ZNF143: variants seen among roughly 807,000 people sequenced by gnomAD.
ZNF143 encodes SPH-binding factor.
Under a neutral mutation model 74.1 loss-of-function variants are expected in ZNF143, and 49 were observed. The ratio of observed to expected loss-of-function variants is 0.66; its 90% CI spans 0.53 to 0.84. ZNF143 has a LOEUF of 0.84. Among genes scored for constraint, ZNF143 ranks in the 40% least tolerant of loss-of-function variants. The pLI is 0.00. For synonymous variants in ZNF143, 304 were observed against 282.8 expected (o/e 1.07, Z -0.75); for missense variants, 637 against 793.4 (o/e 0.80, Z 2.37).
intron 5 of ZNF143, among the ~76,000 whole-genome samples, chr11:9,476,207 T>C (rs1856880739): frequency 1.3e-5 from 2 of 152,058 alleles, no homozygotes; most frequent in South Asian, 2.1e-4. Context: ...TTTAGTTTCA[T>C]CATCTGTAAA....
intron 1 of ZNF143, among the ~76,000 whole-genome samples, chr11:9,467,821 G>T (rs2133835794): frequency 6.9e-6 from 1 of 144,976 alleles, no homozygotes. Context: ...TCTGGCCTGG[G>T]CGACAAGAGT....
chr11:9,510,071 G>A (rs1374100942), intron 12 of ZNF143, among the ~76,000 whole-genome samples: 2 of 151,312 alleles, frequency 1.3e-5, no homozygotes, highest in Non-Finnish European at 2.9e-5. Flanking sequence ...GCTTCCTCAA[G>A]TCTCTTCCTT....
chr11:9,481,704 A>G (rs1353234010), intron 7 of ZNF143, among the ~76,000 whole-genome samples: 1 of 151,884 alleles, frequency 6.6e-6, no homozygotes, highest in African/African-American at 2.4e-5. Context: ...CCTGGCCAAC[A>G]TGGCAAAACC....
At chr11:9,506,241 A>G (rs1456127337) in intron 11 of ZNF143, among the ~76,000 whole-genome samples, 1 of 152,226 alleles carries the variant, frequency 6.6e-6, no homozygotes, top group East Asian at 1.9e-4. Flanking sequence ...CTGAGGCAGG[A>G]TAATCACTTG....
Position 9,498,938 on chromosome 11 carries a change from C to CT in ZNF143, c.967+1139dup, listed in dbSNP as rs979221981. Among the ~76,000 whole-genome samples, 92 of 152,198 alleles carry CT rather than the reference C, an allele frequency of 6.0e-4. 1 individual carries two copies. The highest frequency in any genetic ancestry group is 7.3e-5 in the Non-Finnish European group (5 of 68,028). ...CATTGAGGAACAGAGCTGTAGGTCTCTACTTCCATCTCATTCATGCACTTT... is the reference window on the plus strand; with the variant it reads ...CATTGAGGAACAGAGCTGTAGGTCTCTTACTTCCATCTCATTCATGCACTTT... On this transcript the variant is annotated intron_variant, in intron 10 of 15. Coordinates refer to ENST00000396602, the MANE Select transcript of ZNF143 (RefSeq NM_003442.6).
At chr11:9,527,395 G>A (rs766808704) in intron 15 of ZNF143, 135 bp from the exon 16 acceptor site, 6 of 715,054 alleles carry the variant, frequency 8.4e-6, no homozygotes, top group Non-Finnish European at 1.4e-5. Context: ...GTTTGAGTTA[G>A]CAGTAGTATT....
chr11:9,527,152 TAG>T (rs1242507449), intron 15 of ZNF143, among the ~76,000 whole-genome samples: 2 of 151,402 alleles, frequency 1.3e-5, no homozygotes, highest in South Asian at 2.1e-4. Flanking sequence ...ATTTTTTTAG[TAG>T]AGATGGGGCG....
intron 11 of ZNF143, among the ~76,000 whole-genome samples, chr11:9,507,709 T>C (rs1170529859): frequency 6.6e-6 from 1 of 152,212 alleles, no homozygotes; most frequent in Admixed American, 6.5e-5. Context: ...CACCACCACA[T>C]GTTAGCACTG....
chr11:9,492,829 CAT>C (rs1037351116), intron 7 of ZNF143, among the ~76,000 whole-genome samples: 10 of 151,740 alleles, frequency 6.6e-5, no homozygotes, highest in African/African-American at 2.4e-4. Flanking sequence ...GAAAAGGAAA[CAT>C]AAATGTCTTT....
intron 6 of ZNF143, among the ~76,000 whole-genome samples, chr11:9,478,949 C>T (rs1324438749): frequency 2.6e-5 from 4 of 151,736 alleles, no homozygotes; most frequent in East Asian, 1.9e-4. Context: ...GGTAATTCAC[C>T]GAAAGATATA....
chr11:9,516,647 TATC>T (rs1282000828), intron 14 of ZNF143, among the ~76,000 whole-genome samples: 1 of 152,206 alleles, frequency 6.6e-6, no homozygotes, highest in African/African-American at 2.4e-5. Flanking sequence ...CTATTCCTAT[TATC>T]ATCATTATCA....
chr11:9,513,510 C>G (rs1349244267), intron 13 of ZNF143, among the ~76,000 whole-genome samples: 1 of 152,190 alleles, frequency 6.6e-6, no homozygotes, highest in Admixed American at 6.5e-5. Flanking sequence ...TTTATATAAC[C>G]TCCCTGTTCC....
chr11:9,466,338 C>G (rs779176861), intron 1 of ZNF143, among the ~76,000 whole-genome samples: 19 of 150,952 alleles, frequency 1.3e-4, no homozygotes, highest in Admixed American at 6.7e-5. Flanking sequence ...TCTTGTTGCC[C>G]AGGCTGGAGT....
At chr11:9,519,743 G>C (rs1413905904) in intron 14 of ZNF143, among the ~76,000 whole-genome samples, 1 of 152,078 alleles carries the variant, frequency 6.6e-6, no homozygotes, top group Non-Finnish European at 1.5e-5. Flanking sequence ...ATACCTATTT[G>C]TGGAATTGCT....
chr11:9,470,449 A>T (rs533836144), intron 1 of ZNF143, among the ~76,000 whole-genome samples: 1 of 152,324 alleles, frequency 6.6e-6, no homozygotes, highest in South Asian at 2.1e-4. Context: ...GTGCAGTTTG[A>T]AATGGGATGG....
At chr11:9,504,303 T>C (rs1242915303) in intron 11 of ZNF143, among the ~76,000 whole-genome samples, 2 of 113,178 alleles carry the variant, frequency 1.8e-5, no homozygotes, top group African/African-American at 5.5e-5. Context: ...ATATCTTCTT[T>C]GGAGAAATGT....
chr11:9,516,339 G>C lies in ZNF143; in HGVS notation c.1663G>C (p.Ala555Pro), dbSNP rs746998686. 1.2e-6 allele frequency: 2 copies of C among 1,613,544 alleles called. No homozygotes were observed. The highest frequency in any genetic ancestry group is 1.7e-6 in the Non-Finnish European group (2 of 1,179,686). Reference sequence around the variant, plus strand: ...AACGCACTCTGTTGCTATGGTTACTGCTGAGGGTACAGAAGGGGAACAGGT... The same window carrying C: ...AACGCACTCTGTTGCTATGGTTACTCCTGAGGGTACAGAAGGGGAACAGGT... ...AGTHSVAMVTAEGTEGEQVAI... is the reference protein window; with the variant it reads ...AGTHSVAMVTPEGTEGEQVAI... Residue 555 changes from alanine to proline, a missense_variant, in exon 14 of 16, where the codon GCT (alanine) becomes CCT (proline). Ala to Pro is a conservative substitution (Grantham distance 27). Transcript: ENST00000396602.
chr11:9,461,755 T>C (rs1855870485), intron 1 of ZNF143: 1 of 152,266 alleles, frequency 6.6e-6, no homozygotes, highest in African/African-American at 2.4e-5. Context: ...TAAGTCTCTT[T>C]GAAACGTATT....
intron 9 of ZNF143, among the ~76,000 whole-genome samples, chr11:9,497,270 G>A (rs971782102): frequency 2.0e-5 from 3 of 152,064 alleles, no homozygotes; most frequent in East Asian, 1.9e-4. Flanking sequence ...TCACTCTGTC[G>A]CCCAGCCTGG....
Sources: gnomAD v4.1 joint callset for allele counts (sites outside exome capture counted in the v4.1 genomes callset) on GRCh38, gnomAD v4.1.1 for gene constraint, MANE v1.5 for transcripts, NCBI Gene and HGNC (gene_info 2026-07-23, HGNC 2026-07-21) for gene names.